CHSY1: variants seen among roughly 807,000 people sequenced by gnomAD.
The protein encoded by CHSY1 is chondroitin sulfate synthase 1, also known as N-acetylgalactosaminyl-proteoglycan 3-beta-glucuronosyltransferase 1.
In CHSY1, 13 loss-of-function variants were observed where a neutral mutation model predicts 59.8. The ratio of observed to expected loss-of-function variants is 0.22; its 90% CI spans 0.14 to 0.35. The LOEUF is 0.35. Among genes scored for constraint, CHSY1 ranks in the 10% least tolerant of loss-of-function variants. CHSY1 has a pLI of 1.00. For synonymous variants in CHSY1, 459 were observed against 401.2 expected, an observed-to-expected ratio of 1.14 and a Z score of -1.72; for missense variants, 947 against 1,030.6, an observed-to-expected ratio of 0.92 and a Z score of 1.11.
chr15:101,251,117 C>T lies in CHSY1; in HGVS notation c.320+20G>A, dbSNP rs2039105249. On this transcript the variant is annotated intron_variant, in intron 1 of 2. Coordinates refer to ENST00000254190, the MANE Select transcript of CHSY1 (RefSeq NM_014918.5). ...GGGATGCCGGACGCAGGAGGCGGTG[C>T]CCGGGGAGCAGGGGCTCACCTGTAG... is the stretch of plus-strand genomic sequence containing the variant. The T allele has an allele frequency of 1.3e-6, 2 of 1,558,230 alleles. No individual in the cohort carries two copies. The highest frequency in any genetic ancestry group is 1.8e-5 in the Admixed American group (1 of 54,542).
chr15:101,184,027 C>T (rs941038120), intron 2 of CHSY1, among the ~76,000 whole-genome samples: 1 of 152,108 alleles, frequency 6.6e-6, no homozygotes, highest in African/African-American at 2.4e-5. Flanking sequence ...TTTTTTTACT[C>T]CCTAGACCAA....
intron 2 of CHSY1, among the ~76,000 whole-genome samples, chr15:101,233,618 G>C (rs1008521904): frequency 2.0e-5 from 3 of 152,186 alleles, no homozygotes; most frequent in Admixed American, 2.0e-4. Context: ...TAGGCCCAGT[G>C]AGCTGTCCCC....
Position 101,178,172 on chromosome 15 carries a change from CCAGA to C in CHSY1, c.1621_1624del (p.Ser541GlyfsTer7). 1.2e-6 allele frequency: 2 copies of C among 1,614,182 alleles called. No homozygotes were observed. The highest frequency in any genetic ancestry group is 8.5e-7 in the Non-Finnish European group (1 of 1,180,032). ...AAATCTCACAAACATGTCGAAACGC[CCAGA>C]CAAAGGAATCAGTATGTTTATCTTT... On this transcript the variant is annotated frameshift_variant, in exon 3 of 3. Transcript: ENST00000254190. LOFTEE classifies it high-confidence loss of function.
chr15:101,190,905 C>G (rs942423469), intron 2 of CHSY1, among the ~76,000 whole-genome samples: 1 of 151,984 alleles, frequency 6.6e-6, no homozygotes, highest in Non-Finnish European at 1.5e-5. Context: ...GTAGAAGGGC[C>G]GAGAGGAGCG....
At chr15:101,242,298 C>T (rs776799506) in intron 1 of CHSY1, among the ~76,000 whole-genome samples, 1 of 152,228 alleles carries the variant, frequency 6.6e-6, no homozygotes, top group Non-Finnish European at 1.5e-5. Context: ...CTGCCCAGGG[C>T]AAACCCTGAC....
rs1271400138 is a variant in CHSY1, at chr15:101,178,305, T to A, written c.1492A>T (p.Asn498Tyr). 33 of 1,609,420 alleles carry A rather than the reference T, an allele frequency of 2.1e-5. No individual in the cohort carries two copies. The highest frequency in any genetic ancestry group is 2.7e-5 in the African/African-American group (2 of 74,800). ...LDAQELAKRI[N>Y]QESGSLSFLS... ...AAGGACAAGGATCCAGATTCCTGAT[T>A]GATTCTCTTGGCCAACTCTTGTGCA... Residue 498 changes from asparagine (N) to tyrosine (Y), a missense_variant, in exon 3 of 3, where the codon AAT becomes TAT. Physicochemically the swap from Asn to Tyr is moderately radical, Grantham distance 143 (BLOSUM62 -2). Transcript: ENST00000254190.
intron 2 of CHSY1, among the ~76,000 whole-genome samples, chr15:101,205,531 C>T (rs910746571): frequency 6.6e-6 from 1 of 152,210 alleles, no homozygotes; most frequent in African/African-American, 2.4e-5. Context: ...ATACCCAAAC[C>T]TGAAGAGTAC....
rs975617878 is a variant in CHSY1, at chr15:101,251,312, G to C, written c.145C>G (p.Arg49Gly). The change falls in exon 1 of 3, where the codon CGG (arginine) becomes GGG (glycine). Residue 49 changes from arginine (R) to glycine (G), a missense_variant. Coordinates refer to ENST00000254190, the MANE Select transcript of CHSY1 (RefSeq NM_014918.5). The stretch of plus-strand genomic sequence containing the variant: ...TGGGAAGCCGCCGCCTGCCCGGACC[G>C]GCAGCCCTCGGGGCTGGCGCGGCGC... ...PRRRASPEGC[R>G]SGQAAASQAG... 6.1e-6 allele frequency: 7 copies of C among 1,138,324 alleles called. 1 individual carries two copies. The South Asian group carries it at 9.0e-5, about 15-fold the overall frequency. 70.5% of individuals were successfully genotyped at this position (1,138,324 alleles called of 1,614,324 possible).
At chr15:101,184,101 G>C (rs2038319691) in intron 2 of CHSY1, among the ~76,000 whole-genome samples, 1 of 152,214 alleles carries the variant, frequency 6.6e-6, no homozygotes, top group Admixed American at 6.5e-5. Flanking sequence ...GCCCCCACGG[G>C]AGGCCTCTAC....
At position 101,176,449 on chromosome 15, in the gene CHSY1, C is replaced by A; in HGVS notation, c.*939G>T. ...GTCATTCTAAACATTAATATTTTAC[C>A]CTTTAAAGAGAAGGGTCAAGAAGAG... On this transcript the variant is annotated 3_prime_UTR_variant, in exon 3 of 3. Transcript: ENST00000254190. The A allele has an allele frequency of 7.5e-6, 3 of 398,226 alleles. No individual in the cohort carries two copies. 24.7% of individuals were successfully genotyped at this position (398,226 alleles called of 1,614,324 possible).
intron 2 of CHSY1, among the ~76,000 whole-genome samples, chr15:101,206,728 T>G (rs1189527292): frequency 2.6e-5 from 4 of 152,216 alleles, no homozygotes; most frequent in Non-Finnish European, 5.9e-5. Context: ...TTTGTCATTT[T>G]ATTTTCCCTA....
intron 2 of CHSY1, among the ~76,000 whole-genome samples, chr15:101,207,896 G>C (rs1234664348): frequency 2.6e-5 from 4 of 152,198 alleles, no homozygotes; most frequent in East Asian, 1.9e-4. Flanking sequence ...TCCCCAGATG[G>C]GGTGAGGGTG....
At chr15:101,196,768 A>G (rs1241690127) in intron 2 of CHSY1, among the ~76,000 whole-genome samples, 2 of 152,236 alleles carry the variant, frequency 1.3e-5, no homozygotes, top group Admixed American at 1.3e-4. Flanking sequence ...TCATGCCTAT[A>G]ATCCCAGCAC....
Position 101,176,022 on chromosome 15 carries a change from G to T in CHSY1, c.*1366C>A. 1 of 360,208 alleles carries T rather than the reference G, an allele frequency of 2.8e-6. No homozygotes were observed. Among genetic ancestry groups the T allele is most frequent in the Non-Finnish European group, 4.9e-6 (1 of 203,172 alleles). 22.3% of individuals were successfully genotyped at this position (360,208 alleles called of 1,614,324 possible). ...TTTCACTTTTGTCCCCAAAACACATGAGCACCAAAATTGTCAAAGAACACT... is the reference window on the plus strand; with the variant it reads ...TTTCACTTTTGTCCCCAAAACACATTAGCACCAAAATTGTCAAAGAACACT... On this transcript the variant is annotated 3_prime_UTR_variant, in exon 3 of 3. Transcript: ENST00000254190.
chr15:101,213,835 T>C (rs961681309), intron 2 of CHSY1, among the ~76,000 whole-genome samples: 1 of 152,202 alleles, frequency 6.6e-6, no homozygotes, highest in African/African-American at 2.4e-5. Context: ...CTGTGTGTAA[T>C]TTCCTAGACT....
rs113381780 is a variant in CHSY1, at chr15:101,239,065, C to T, written c.321-3488G>A. On this transcript the variant is annotated intron_variant, in intron 1 of 2. Coordinates refer to ENST00000254190, the MANE Select transcript of CHSY1 (RefSeq NM_014918.5). ...AGGACAAAATTATAGTGCAATGACC[C>T]CCCATTCAAGTCGAGGAGCCCCTGA... is the stretch of plus-strand genomic sequence containing the variant. Among the ~76,000 whole-genome samples the T allele has an allele frequency of 5.7e-3, 864 of 152,270 alleles. 6 individuals carry two copies. The highest frequency in any genetic ancestry group is 0.023 in the South Asian group (112 of 4,818).
At chr15:101,244,445 T>C (rs1367611365) in intron 1 of CHSY1, among the ~76,000 whole-genome samples, 1 of 152,214 alleles carries the variant, frequency 6.6e-6, no homozygotes, top group Non-Finnish European at 1.5e-5. Flanking sequence ...GCTCTGTGCC[T>C]AGCGGACCTC....
intron 2 of CHSY1, among the ~76,000 whole-genome samples, chr15:101,197,691 T>C (rs533695476): frequency 6.6e-6 from 1 of 152,214 alleles, no homozygotes; most frequent in Non-Finnish European, 1.5e-5. Flanking sequence ...TAAATTACTA[T>C]ACAGCAAAAC....
At chr15:101,218,344 C>T (rs1479015374) in intron 2 of CHSY1, among the ~76,000 whole-genome samples, 1 of 151,962 alleles carries the variant, frequency 6.6e-6, no homozygotes, top group Non-Finnish European at 1.5e-5. Context: ...GCCTGTTAAT[C>T]CCAGCCCTTT....
Sources: gnomAD v4.1 joint callset for allele counts (sites outside exome capture counted in the v4.1 genomes callset) on GRCh38, gnomAD v4.1.1 for gene constraint, MANE v1.5 for transcripts, NCBI Gene and HGNC (gene_info 2026-07-23, HGNC 2026-07-21) for gene names.